Variants in MAPKAPK2 observed in about 807,000 individuals in gnomAD.
MAPKAPK2 encodes the protein MAPK activated protein kinase 2.
In MAPKAPK2, 9 loss-of-function variants were observed where a neutral mutation model predicts 48.8. The observed-to-expected ratio is 0.18, with a 90% confidence interval of 0.11 to 0.32. The LOEUF (loss-of-function observed/expected upper bound fraction) is 0.32, where lower values mean the gene tolerates loss of function less well. Ranked by LOEUF, MAPKAPK2 falls within the 10% of genes least tolerant of loss-of-function variation. MAPKAPK2 has a pLI of 1.00. For synonymous variants in MAPKAPK2, 202 were observed against 190.6 expected (o/e 1.06, Z -0.49); for missense variants, 331 against 498.3 (o/e 0.66, Z 3.20).
At chr1:206,690,887 T>G (rs1292515553) in intron 1 of MAPKAPK2, among the ~76,000 whole-genome samples, 4 of 152,326 alleles carry the variant, frequency 2.6e-5, no homozygotes, top group African/African-American at 9.6e-5. Flanking sequence ...CTCCTACCTT[T>G]CCTCTACTTC....
At chr1:206,702,823 C>G (rs1488909491) in intron 1 of MAPKAPK2, among the ~76,000 whole-genome samples, 1 of 152,224 alleles carries the variant, frequency 6.6e-6, no homozygotes, top group African/African-American at 2.4e-5. Context: ...TCCACATCTT[C>G]TCTTGGATCT....
At chr1:206,711,244 T>TG (rs1553429406) in intron 1 of MAPKAPK2, among the ~76,000 whole-genome samples, 24 of 152,322 alleles carry the variant, frequency 1.6e-4, no homozygotes, top group African/African-American at 4.6e-4. Context: ...TGGAAGTTTT[T>TG]TTTGTTTGTT....
chr1:206,718,941 C>T (rs1425189811), intron 1 of MAPKAPK2, among the ~76,000 whole-genome samples: 4 of 152,188 alleles, frequency 2.6e-5, no homozygotes, highest in African/African-American at 9.7e-5. Flanking sequence ...CTCCCCAGAT[C>T]TTTGCATAAA....
chr1:206,695,092 G>A (rs1242548156), intron 1 of MAPKAPK2, among the ~76,000 whole-genome samples: 1 of 152,110 alleles, frequency 6.6e-6, no homozygotes, highest in Non-Finnish European at 1.5e-5. Flanking sequence ...GAGGAGGAAG[G>A]GTGGCAGTGC....
In MAPKAPK2 at chr1:206,732,544, T is replaced by C; in HGVS notation, c.1060-31T>C. On this transcript the variant is annotated intron_variant, in intron 9 of 9. Coordinates refer to ENST00000367103, the MANE Select transcript of MAPKAPK2 (RefSeq NM_032960.4). This position sits in a 1 kb window ranked among gnomAD's most constrained non-coding sequence, Gnocchi z 4.4. ...CTCCTACCTGTCTTCTGGCTCTCTC[T>C]GTACCCTTCCTGGTGCTGCCGTGCC... is the stretch of plus-strand genomic sequence containing the variant. 4 of 1,612,532 alleles carry C rather than the reference T, an allele frequency of 2.5e-6. No individual in the cohort carries two copies. In the South Asian group the frequency reaches 4.4e-5, roughly 18 times the overall value.
intron 1 of MAPKAPK2, among the ~76,000 whole-genome samples, chr1:206,698,234 G>C (rs944522509): frequency 6.6e-6 from 1 of 152,244 alleles, no homozygotes; most frequent in South Asian, 2.1e-4. Flanking sequence ...AGGAGGCCCA[G>C]ATGGCAGGAT....
At chr1:206,696,417 A>C in intron 1 of MAPKAPK2, 1 of 589,970 alleles carries the variant, frequency 1.7e-6, no homozygotes, top group Non-Finnish European at 3.0e-6. Context: ...TCATTAAAAA[A>C]CTCAGGCCAG....
In MAPKAPK2 at chr1:206,730,674, C is replaced by G. The variant is rs1553432506; in HGVS notation, c.692-14C>G. ...CTGAGGGCCGGCCCACCCATGTTGACCTTTGATTTGCAGCTCCAGAAGTGC... is the reference window on the plus strand; with the variant it reads ...CTGAGGGCCGGCCCACCCATGTTGAGCTTTGATTTGCAGCTCCAGAAGTGC... On this transcript the variant is annotated splice_polypyrimidine_tract_variant and intron_variant, in intron 5 of 9. Transcript: ENST00000367103. 1 of 1,613,038 alleles carries G rather than the reference C, an allele frequency of 6.2e-7. No individual in the cohort carries two copies.
intron 1 of MAPKAPK2, among the ~76,000 whole-genome samples, chr1:206,724,558 T>G (rs1553431674): frequency 6.6e-6 from 1 of 151,936 alleles, no homozygotes; most frequent in Non-Finnish European, 1.5e-5. Context: ...CCTTTTTTTT[T>G]TTTTTTTTGT....
intron 1 of MAPKAPK2, among the ~76,000 whole-genome samples, chr1:206,700,718 C>G (rs1241330602): frequency 6.6e-6 from 1 of 152,210 alleles, no homozygotes; most frequent in Non-Finnish European, 1.5e-5. Flanking sequence ...CTTGCTTTCT[C>G]TCTTTCCCTC....
At chr1:206,685,714 CTCCCGGGCGG>C (rs1672268799) in intron 1 of MAPKAPK2, among the ~76,000 whole-genome samples, 1 of 150,478 alleles carries the variant, frequency 6.6e-6, no homozygotes, top group African/African-American at 2.4e-5. Context: ...CTTCCGGCCG[CTCCCGGGCGG>C]GAGCCCTGGG....
chr1:206,726,117 G>A (rs1553431816), intron 1 of MAPKAPK2, among the ~76,000 whole-genome samples: 1 of 152,230 alleles, frequency 6.6e-6, no homozygotes, highest in East Asian at 1.9e-4. Context: ...TGGGCATGGT[G>A]GCTCACACCT....
chr1:206,689,793 CT>C (rs1454717284), intron 1 of MAPKAPK2, among the ~76,000 whole-genome samples: 1 of 152,234 alleles, frequency 6.6e-6, no homozygotes, highest in Non-Finnish European at 1.5e-5. Context: ...GCTAGCCACA[CT>C]TCAAGTGTTC....
chr1:206,686,343 G>T lies in MAPKAPK2; in HGVS notation c.279+835G>T, dbSNP rs142420291. ...CTGAGGAAACATTATCCTTGAGCCG[G>T]GGGAGCCCATCCCTTTTCTTTCTTT... On this transcript the variant is annotated intron_variant, in intron 1 of 9. Coordinates refer to ENST00000367103, the MANE Select transcript of MAPKAPK2 (RefSeq NM_032960.4). Among the ~76,000 whole-genome samples, 652 of 152,372 alleles carry T rather than the reference G, an allele frequency of 4.3e-3. 2 individuals carry two copies. Among genetic ancestry groups the T allele is most frequent in the African/African-American group, 0.015 (626 of 41,584 alleles).
At chr1:206,691,898 C>T (rs1672472606) in intron 1 of MAPKAPK2, among the ~76,000 whole-genome samples, 1 of 152,220 alleles carries the variant, frequency 6.6e-6, no homozygotes, top group Non-Finnish European at 1.5e-5. Flanking sequence ...TGACCAGCTG[C>T]TCCTTCTCTT....
chr1:206,716,316 T>C (rs1317505547), intron 1 of MAPKAPK2, among the ~76,000 whole-genome samples: 1 of 152,214 alleles, frequency 6.6e-6, no homozygotes, highest in African/African-American at 2.4e-5. Flanking sequence ...CTCACTCTTG[T>C]GTCTGGGCCA....
chr1:206,706,266 T>A (rs1672956389), intron 1 of MAPKAPK2, among the ~76,000 whole-genome samples: 1 of 152,038 alleles, frequency 6.6e-6, no homozygotes. Context: ...TCCCATTCCT[T>A]CTTGCCCTCT....
chr1:206,706,477 A>G (rs548327695), intron 1 of MAPKAPK2, among the ~76,000 whole-genome samples: 3 of 152,178 alleles, frequency 2.0e-5, no homozygotes, highest in Non-Finnish European at 2.9e-5. Flanking sequence ...GCAGCTGCCA[A>G]CTGGGCTTGT....
intron 1 of MAPKAPK2, among the ~76,000 whole-genome samples, chr1:206,718,017 A>C (rs1376679412): frequency 2.0e-5 from 3 of 152,178 alleles, no homozygotes; most frequent in Non-Finnish European, 4.4e-5. Flanking sequence ...TAAAAAACAA[A>C]ACAATAACAA....
Sources: gnomAD v4.1 joint callset for allele counts (sites outside exome capture counted in the v4.1 genomes callset) on GRCh38, gnomAD v4.1.1 for gene constraint, Gnocchi (gnomAD v3.1) non-coding constraint, MANE v1.5 for transcripts, NCBI Gene and HGNC (gene_info 2026-07-23, HGNC 2026-07-21) for gene names.